Variants in DISP3 observed in about 807,000 individuals in gnomAD.
DISP3 encodes dispatched RND transporter family member 3.
DISP3 carries 101 observed loss-of-function variants against 135.3 expected under a neutral mutation model. That is an observed-to-expected ratio of 0.75 (90% CI 0.64 to 0.88). DISP3 has a LOEUF of 0.88. Ranked by LOEUF, DISP3 falls within the 40% of genes least tolerant of loss-of-function variation. The probability of loss-of-function intolerance (pLI) is 0.00; values close to 1 mark genes in which losing one functional copy is unlikely to be tolerated. For synonymous variants in DISP3, 856 were observed against 817.0 expected (o/e 1.05, Z -0.81); for missense variants, 1,713 against 1,878.6 (o/e 0.91, Z 1.63).
At position 11,502,094 on chromosome 1, in the gene DISP3, C is replaced by A. The variant is rs1277964816; in HGVS notation, c.1096+6C>A. 1.3e-6 allele frequency: 2 copies of A among 1,540,904 alleles called. No homozygotes were observed. Among genetic ancestry groups the A allele is most frequent in the East Asian group, 2.3e-5 (1 of 44,098 alleles). On this transcript the variant is annotated splice_donor_region_variant and intron_variant, in intron 2 of 20. Transcript: ENST00000294484. ...GGACCTGGCGGACATCCGGGGTGAG[C>A]CGCCGGGATGCTGGGAGGGGGCGTA...
At chr1:11,494,131 C>T (rs973988569) in intron 1 of DISP3, among the ~76,000 whole-genome samples, 2 of 152,216 alleles carry the variant, frequency 1.3e-5, no homozygotes, top group Non-Finnish European at 2.9e-5. Flanking sequence ...CCCTTAGTAG[C>T]TGTGTGACCA....
In DISP3 at chr1:11,499,809, C is replaced by T. The variant is rs1357521958; in HGVS notation, c.-3-1181C>T. On this transcript the variant is annotated intron_variant, in intron 1 of 20. Coordinates refer to ENST00000294484, the MANE Select transcript of DISP3 (RefSeq NM_020780.2). This position sits in a 1 kb window ranked among gnomAD's most constrained non-coding sequence, Gnocchi z 5.2. ...CTCTTGCTTACTTTCTCTGGACTGA[C>T]GACAGCCTCTCTTCCTGGACAGATC... is the stretch of plus-strand genomic sequence containing the variant. Among the ~76,000 whole-genome samples, 2 of 152,332 alleles carry T rather than the reference C, an allele frequency of 1.3e-5. No homozygotes were observed. Among genetic ancestry groups the T allele is most frequent in the South Asian group, 2.1e-4 (1 of 4,822 alleles).
chr1:11,497,870 C>A (rs972242758), intron 1 of DISP3, among the ~76,000 whole-genome samples: 1 of 152,210 alleles, frequency 6.6e-6, no homozygotes, highest in African/African-American at 2.4e-5. Context: ...TTGAATACCT[C>A]ACCCAAGTTC....
rs774437837 is a variant in DISP3 at position 11,524,024 on chromosome 1, C to T, written c.2445C>T (p.Pro815=). The part of the protein sequence containing the change: ...LEKKRRGSGV[P]WASRPEATLQ... ...AGAAGAGGCGAGGCTCAGGGGTCCC[C>T]TGGGCTAGCCGGCCTGAGGCCACCC... The change falls in exon 11 of 21, where the codon CCC becomes CCT. Residue 815 remains proline, a synonymous_variant. Transcript: ENST00000294484. The T allele has an allele frequency of 1.2e-6, 2 of 1,613,394 alleles. No individual in the cohort carries two copies. The highest frequency in any genetic ancestry group is 4.5e-5 in the East Asian group (2 of 44,852).
chr1:11,531,814 C>T lies in DISP3; in HGVS notation c.3375+104C>T. On this transcript the variant is annotated intron_variant, in intron 17 of 20. Transcript: ENST00000294484. This position sits in a 1 kb window ranked among gnomAD's most constrained non-coding sequence, Gnocchi z 5.2. ...CAGATCGGGGGGGAGATGCTGAGGC[C>T]CAGAGAGGTGGAGTGACTTGCCTGA... is the stretch of plus-strand genomic sequence containing the variant. The T allele has an allele frequency of 6.9e-7, 1 of 1,454,918 alleles. No homozygotes were observed. Among genetic ancestry groups the T allele is most frequent in the Non-Finnish European group, 9.1e-7 (1 of 1,101,390 alleles). The allele number at this position is 1,454,918 out of a possible 1,614,324, so 90.1% of individuals were successfully genotyped here. A position where few individuals can be genotyped will look rare whatever the true frequency, so the allele number is the denominator to read the frequency against.
At chr1:11,514,263 TATCCA>T in intron 3 of DISP3, 122 bp from the exon 4 acceptor site, 1 of 1,164,400 alleles carries the variant, frequency 8.6e-7, no homozygotes, top group Non-Finnish European at 1.2e-6. Context: ...GTGATTTTGA[TATCCA>T]ACCAAGGTAG....
intron 1 of DISP3, among the ~76,000 whole-genome samples, chr1:11,480,058 G>A (rs1640852307): frequency 6.6e-6 from 1 of 152,134 alleles, no homozygotes; most frequent in Non-Finnish European, 1.5e-5. Context: ...CCCAGCGCAA[G>A]GGGCGCCAAG....
intron 3 of DISP3, among the ~76,000 whole-genome samples, chr1:11,506,923 T>C (rs970517410): frequency 6.6e-6 from 1 of 152,224 alleles, no homozygotes; most frequent in Admixed American, 6.5e-5. Flanking sequence ...CATCTCAGCC[T>C]CCTGAGTAGC....
intron 1 of DISP3, among the ~76,000 whole-genome samples, chr1:11,494,857 G>T (rs1641287810): frequency 6.6e-6 from 1 of 152,144 alleles, no homozygotes; most frequent in Admixed American, 6.5e-5. Flanking sequence ...TGGGGGAGTG[G>T]AGAAGGAAGG....
intron 10 of DISP3, 129 bp from the exon 11 acceptor site, chr1:11,523,809 ACACC>A: frequency 1.6e-6 from 1 of 626,262 alleles, no homozygotes; most frequent in Non-Finnish European, 2.8e-6. Context: ...CTGACCCCTG[ACACC>A]CACCCCCTCC....
At position 11,529,562 on chromosome 1, in the gene DISP3, G is replaced by A; in HGVS notation, c.2805G>A (p.Leu935=). The change falls in exon 14 of 21, where the codon CTG becomes CTA. Residue 935 remains leucine (L), a synonymous_variant. Coordinates refer to ENST00000294484, the MANE Select transcript of DISP3 (RefSeq NM_020780.2). The surrounding 1 kb of genome is among the most constrained non-coding windows in gnomAD (Gnocchi z 4.7). ...GCCTCCATTCCCTCCACAGGAAGCT[G>A]TACTTCGCCCAGTCCCACAAGCCCC... ...ATKEQQHTRK[L]YFAQSHKPPF... 1 of 1,559,814 alleles carries A rather than the reference G, an allele frequency of 6.4e-7. No individual in the cohort carries two copies. The highest frequency in any genetic ancestry group is 1.2e-5 in the South Asian group (1 of 85,204).
intron 1 of DISP3, among the ~76,000 whole-genome samples, chr1:11,482,929 C>T (rs1640941405): frequency 1.3e-5 from 2 of 152,194 alleles, no homozygotes; most frequent in Admixed American, 1.3e-4. Flanking sequence ...TCCAAAGCAT[C>T]GAAGCCCAGG....
At chr1:11,503,015 C>A in intron 3 of DISP3, 118 bp downstream of exon 3, 2 of 911,930 alleles carry the variant, frequency 2.2e-6, no homozygotes, top group Non-Finnish European at 3.3e-6. Context: ...TCTTTCTTTC[C>A]AAATTGGGGC....
rs551322387 is a variant in DISP3 at position 11,499,144 on chromosome 1, A to G, written c.-3-1846A>G. On this transcript the variant is annotated intron_variant, in intron 1 of 20. Transcript: ENST00000294484. This position sits in a 1 kb window ranked among gnomAD's most constrained non-coding sequence, Gnocchi z 5.2. ...GGATGGCATTCCTGGTGGAATAGCAATGGGATCAAGGGGCCTTCAGATCAC... is the reference window on the plus strand; with the variant it reads ...GGATGGCATTCCTGGTGGAATAGCAGTGGGATCAAGGGGCCTTCAGATCAC... 2.6e-5 allele frequency among the ~76,000 whole-genome samples: 4 copies of G among 152,246 alleles called. No individual in the cohort carries two copies. Among genetic ancestry groups the G allele is most frequent in the Admixed American group, 2.0e-4 (3 of 15,296 alleles).
intron 17 of DISP3, chr1:11,533,583 A>G (rs2745297): frequency 0.89 from 538,071 of 602,810 alleles, 240,806 homozygotes; most frequent in East Asian, 1. Context: ...TACTCAGTGC[A>G]AGGTTCACCA....
At chr1:11,487,955 C>T (rs558806094) in intron 1 of DISP3, among the ~76,000 whole-genome samples, 20 of 152,336 alleles carry the variant, frequency 1.3e-4, no homozygotes, top group African/African-American at 4.3e-4. Flanking sequence ...TCCTGGCCCT[C>T]TATCATGGAA....
chr1:11,498,475 G>A (rs146007361), intron 1 of DISP3, among the ~76,000 whole-genome samples: 10 of 152,250 alleles, frequency 6.6e-5, no homozygotes, highest in African/African-American at 2.4e-4. Flanking sequence ...AAGGATGAGC[G>A]TCCGAAGAGA....
At chr1:11,528,643 C>T (rs543233103) in intron 13 of DISP3, among the ~76,000 whole-genome samples, 2 of 152,156 alleles carry the variant, frequency 1.3e-5, no homozygotes, top group East Asian at 1.9e-4. Flanking sequence ...AGGCCATGCT[C>T]GGTGACACAC....
In DISP3 at chr1:11,516,223, G is replaced by A; in HGVS notation, c.1749+62G>A. ...ACACGCTCATGCATACCTAGCCGCTGGTCTCTGCCCTTCCCACCACCGCTT... is the reference window on the plus strand; with the variant it reads ...ACACGCTCATGCATACCTAGCCGCTAGTCTCTGCCCTTCCCACCACCGCTT... On this transcript the variant is annotated intron_variant, in intron 6 of 20. Coordinates refer to ENST00000294484, the MANE Select transcript of DISP3 (RefSeq NM_020780.2). The surrounding 1 kb of genome is among the most constrained non-coding windows in gnomAD (Gnocchi z 5.1). 1 of 1,566,022 alleles carries A rather than the reference G, an allele frequency of 6.4e-7. No individual in the cohort carries two copies. The highest frequency in any genetic ancestry group is 8.7e-7 in the Non-Finnish European group (1 of 1,148,810).
Sources: allele counts gnomAD v4.1 joint callset (sites outside exome capture counted in the v4.1 genomes callset), GRCh38; gene constraint gnomAD v4.1.1; non-coding constraint Gnocchi (gnomAD v3.1); transcripts MANE v1.5; gene names NCBI Gene and HGNC (gene_info 2026-07-23, HGNC 2026-07-21).